KIF1B: variants seen among roughly 807,000 people sequenced by gnomAD.
KIF1B encodes the protein kinesin family member 1B.
In KIF1B, 76 loss-of-function variants were observed where a neutral mutation model predicts 241.9. That is an observed-to-expected ratio of 0.31 (90% CI 0.26 to 0.38). The LOEUF is 0.38. KIF1B is among the 10% of genes least tolerant of loss of function. The probability of loss-of-function intolerance (pLI) is 1.00; values close to 1 mark genes in which losing one functional copy is unlikely to be tolerated. For missense variants in KIF1B, 1,622 were observed against 2,271.4 expected (o/e 0.71, Z 5.81); for synonymous variants, 750 against 796.7 (o/e 0.94, Z 0.99).
rs748084087 is a variant in KIF1B, at chr1:10,277,966, A to C, written c.1038-20A>C. The C allele has an allele frequency of 1.2e-6, 2 of 1,611,612 alleles. No individual in the cohort carries two copies. Among genetic ancestry groups the C allele is most frequent in the Non-Finnish European group, 1.7e-6 (2 of 1,178,168 alleles). ...GAACATATGAGAAATGACAAGAACA[A>C]ATTTTCTTTTTGGATCTAGATATGC... On this transcript the variant is annotated intron_variant, in intron 12 of 48. Transcript: ENST00000676179.
intron 2 of KIF1B, among the ~76,000 whole-genome samples, chr1:10,244,473 C>G (rs1327843150): frequency 6.6e-6 from 1 of 151,714 alleles, no homozygotes; most frequent in African/African-American, 2.4e-5. Context: ...CACTACTACG[C>G]CCGGCTAATT....
At chr1:10,216,762 G>A (rs1419701780) in intron 1 of KIF1B, among the ~76,000 whole-genome samples, 1 of 151,634 alleles carries the variant, frequency 6.6e-6, no homozygotes, top group East Asian at 1.9e-4. Flanking sequence ...CACCTCATAG[G>A]AAAAAAGGGC....
Position 10,324,131 on chromosome 1 carries a change from C to T in KIF1B, c.2537+69C>T, listed in dbSNP as rs1287225945. On this transcript the variant is annotated intron_variant, in intron 25 of 48. Coordinates refer to ENST00000676179, the MANE Select transcript of KIF1B (RefSeq NM_001365951.3). Reference sequence around the variant, plus strand: ...AACAATGACCTGCTCAAGTGAGCTCCCTCCAGCTCTCCTCTCTCTGAGGAC... The same window carrying T: ...AACAATGACCTGCTCAAGTGAGCTCTCTCCAGCTCTCCTCTCTCTGAGGAC... 5 of 1,344,182 alleles carry T rather than the reference C, an allele frequency of 3.7e-6. No individual in the cohort carries two copies. The African/African-American group carries it at 4.2e-5, about 11-fold the overall frequency. 83.3% of individuals were successfully genotyped at this position (1,344,182 alleles called of 1,614,324 possible).
chr1:10,328,430 T>C (rs1651802106), intron 27 of KIF1B, among the ~76,000 whole-genome samples: 1 of 152,216 alleles, frequency 6.6e-6, no homozygotes, highest in African/African-American at 2.4e-5. Flanking sequence ...CATAAAGGGA[T>C]TATGTGGCCA....
At chr1:10,240,923 A>G (rs17034601) in intron 2 of KIF1B, among the ~76,000 whole-genome samples, 5,387 of 151,998 alleles carry the variant, frequency 0.035, 116 homozygotes, top group Middle Eastern at 0.13. Context: ...ATTGTATTCT[A>G]TTTATGAACC....
intron 7 of KIF1B, among the ~76,000 whole-genome samples, chr1:10,271,109 T>A (rs1376676864): frequency 6.6e-6 from 1 of 151,996 alleles, no homozygotes; most frequent in Non-Finnish European, 1.5e-5. Flanking sequence ...AATTATGTCA[T>A]GTTTATCCTA....
chr1:10,269,805 C>G (rs1383672756), intron 7 of KIF1B, among the ~76,000 whole-genome samples: 4 of 151,940 alleles, frequency 2.6e-5, no homozygotes, highest in African/African-American at 9.7e-5. Context: ...GTAACAAGAG[C>G]GAAACTTCGT....
Position 10,336,698 on chromosome 1 carries a change from T to G in KIF1B, c.3085T>G (p.Ser1029Ala), listed in dbSNP as rs1652194210. The G allele has an allele frequency of 1.2e-6, 2 of 1,614,016 alleles. No individual in the cohort carries two copies. Among genetic ancestry groups the G allele is most frequent in the Non-Finnish European group, 1.7e-6 (2 of 1,180,026 alleles). ...APDYGSGIRQ[S>A]GTAKISFDNE... ...TGATTATGGCTCTGGAATTCGACAG[T>G]CAGGAACAGCTAAAATATCTTTTGA... Residue 1029 changes from serine to alanine, a missense_variant, in exon 29 of 49, where the codon TCA becomes GCA. By Grantham distance (99) the Ser-to-Ala change is moderately conservative. Around this residue, in one of 7 missense-constraint regions of KIF1B, gnomAD observed 803 missense variants for 1,112.0 expected, o/e 0.72. Coordinates refer to ENST00000676179, the MANE Select transcript of KIF1B (RefSeq NM_001365951.3).
At chr1:10,270,302 A>G (rs559208869) in intron 7 of KIF1B, among the ~76,000 whole-genome samples, 1 of 152,248 alleles carries the variant, frequency 6.6e-6, no homozygotes, top group South Asian at 2.1e-4. Flanking sequence ...ATATTAATTT[A>G]CATTTTCTAG....
Position 10,324,847 on chromosome 1 carries a change from G to A in KIF1B, c.2627G>A (p.Gly876Asp), listed in dbSNP as rs1353851331. ...AQDESETTVT[G>D]SDPFYDRFHW... ...GACGAAAGCGAAACCACTGTGACTG[G>A]CAGCGATCCCTTCTATGATCGGTTC... is the stretch of plus-strand genomic sequence containing the variant. Residue 876 changes from glycine (G) to aspartate (D), a missense_variant, in exon 26 of 49, where the codon GGC becomes GAC. By Grantham distance (94) the Gly-to-Asp change is moderately conservative. Coordinates refer to ENST00000676179, the MANE Select transcript of KIF1B (RefSeq NM_001365951.3). 2 of 1,614,148 alleles carry A rather than the reference G, an allele frequency of 1.2e-6. No homozygotes were observed. Among genetic ancestry groups the A allele is most frequent in the South Asian group, 2.2e-5 (2 of 91,082 alleles).
intron 5 of KIF1B, among the ~76,000 whole-genome samples, chr1:10,267,111 A>G (rs892738635): frequency 6.6e-6 from 1 of 151,822 alleles, no homozygotes; most frequent in Admixed American, 6.6e-5. Flanking sequence ...TCCACCTCCC[A>G]GGTACAGGCG....
intron 24 of KIF1B, among the ~76,000 whole-genome samples, chr1:10,322,927 A>G (rs1651579383): frequency 6.6e-6 from 1 of 152,180 alleles, no homozygotes; most frequent in Non-Finnish European, 1.5e-5. Context: ...TTATAAAACC[A>G]TATTTATTAA....
chr1:10,325,990 A>G, intron 26 of KIF1B, 121 bp from the exon 27 acceptor site: 1 of 1,322,154 alleles, frequency 7.6e-7, no homozygotes. Context: ...TTGCTTTTCC[A>G]TTTGCTTTTA....
At chr1:10,217,299 G>A (rs11121531) in intron 1 of KIF1B, among the ~76,000 whole-genome samples, 35,457 of 149,970 alleles carry the variant, frequency 0.24, 4,897 homozygotes, top group Admixed American at 0.31. Context: ...GAACACACCA[G>A]GCATAGTCCT....
At chr1:10,250,035 G>A (rs538132830) in intron 2 of KIF1B, among the ~76,000 whole-genome samples, 73 of 152,186 alleles carry the variant, frequency 4.8e-4, no homozygotes, top group Non-Finnish European at 8.5e-4. Flanking sequence ...AGTCTCGAAC[G>A]CGTAGGCTCA....
intron 44 of KIF1B, among the ~76,000 whole-genome samples, chr1:10,369,733 G>A (rs551260236): frequency 3.9e-5 from 6 of 152,132 alleles, no homozygotes; most frequent in African/African-American, 9.7e-5. Flanking sequence ...GGGAGTTTGC[G>A]ACCAGCCTGA....
chr1:10,274,129 G>C (rs1648976385), intron 10 of KIF1B, among the ~76,000 whole-genome samples: 1 of 151,722 alleles, frequency 6.6e-6, no homozygotes, highest in Non-Finnish European at 1.5e-5. Context: ...GTAGAGATGG[G>C]GTTTCATCAC....
chr1:10,256,292 G>A lies in KIF1B; in HGVS notation c.152G>A (p.Ser51Asn). The A allele has an allele frequency of 6.2e-7, 1 of 1,612,374 alleles. No individual in the cohort carries two copies. Among genetic ancestry groups the A allele is most frequent in the Non-Finnish European group, 8.5e-7 (1 of 1,178,412 alleles). The change falls in exon 3 of 49, where the codon AGC becomes AAC. Residue 51 changes from serine (S) to asparagine (N), a missense_variant. By Grantham distance (46) the Ser-to-Asn change is conservative (BLOSUM62 1). Transcript: ENST00000676179. ...CCAAAGGAAGCTCCAAAGTCCTTCA[G>A]CTTCGACTATTCCTACTGGTCTCAT... The part of the protein sequence containing the change: ...KNPKEAPKSF[S>N]FDYSYWSHTS...
intron 15 of KIF1B, 38 bp from the exon 16 acceptor site, chr1:10,291,044 G>A: frequency 1.3e-6 from 2 of 1,505,240 alleles, no homozygotes; most frequent in South Asian, 1.1e-5. Flanking sequence ...TAAATTATAA[G>A]ACTCTTTGCC....
Sources: allele counts gnomAD v4.1 joint callset (sites outside exome capture counted in the v4.1 genomes callset), GRCh38; gene constraint gnomAD v4.1.1; regional missense constraint gnomAD v4.1.1; transcripts MANE v1.5; gene names NCBI Gene and HGNC (gene_info 2026-07-23, HGNC 2026-07-21).